Variants in GRID1 observed in about 807,000 individuals in gnomAD.
GRID1 encodes glutamate ionotropic receptor delta type subunit 1.
Under a neutral mutation model 98.0 loss-of-function variants are expected in GRID1, and 28 were observed. The observed-to-expected ratio is 0.29, with a 90% confidence interval of 0.21 to 0.39. The LOEUF is 0.39. Ranked by LOEUF, GRID1 falls within the 10% of genes least tolerant of loss-of-function variation. GRID1 has a pLI of 1.00. For synonymous variants in GRID1, 553 were observed against 538.5 expected (o/e 1.03, Z -0.37); for missense variants, 1,111 against 1,340.5 (o/e 0.83, Z 2.67).
At chr10:86,151,317 G>A (rs948774760) in intron 3 of GRID1, among the ~76,000 whole-genome samples, 1 of 152,140 alleles carries the variant, frequency 6.6e-6, no homozygotes, top group African/African-American at 2.4e-5. Flanking sequence ...GGAATTACCA[G>A]AGTATGCCCA....
chr10:86,271,390 A>G (rs576188166), intron 2 of GRID1, among the ~76,000 whole-genome samples: 3 of 152,348 alleles, frequency 2.0e-5, no homozygotes, highest in Admixed American at 6.5e-5. Flanking sequence ...CTGGAATCCA[A>G]TCAAAACTGA....
intron 2 of GRID1, among the ~76,000 whole-genome samples, chr10:86,300,310 A>G (rs1162945453): frequency 6.6e-6 from 1 of 151,544 alleles, no homozygotes; most frequent in Non-Finnish European, 1.5e-5. Flanking sequence ...GTAGCCCTAG[A>G]AAACTAAAAC....
intron 8 of GRID1, among the ~76,000 whole-genome samples, chr10:85,768,686 T>C (rs529245505): frequency 1.3e-5 from 2 of 152,240 alleles, no homozygotes; most frequent in Non-Finnish European, 2.9e-5. Context: ...AATTATTCTG[T>C]GTTACCATTT....
chr10:86,219,581 C>T (rs1230618154), intron 2 of GRID1, among the ~76,000 whole-genome samples: 2 of 152,220 alleles, frequency 1.3e-5, no homozygotes, highest in Non-Finnish European at 2.9e-5. Flanking sequence ...TACTCCCCTA[C>T]AGCCCTGGTC....
chr10:85,625,599 C>A (rs1351497553), intron 13 of GRID1, among the ~76,000 whole-genome samples: 3 of 152,158 alleles, frequency 2.0e-5, no homozygotes, highest in Admixed American at 6.5e-5. Flanking sequence ...GCTAGAGAGA[C>A]CACCCAGCCT....
At chr10:85,751,426 A>G (rs1842044693) in intron 8 of GRID1, among the ~76,000 whole-genome samples, 1 of 152,140 alleles carries the variant, frequency 6.6e-6, no homozygotes, top group Admixed American at 6.5e-5. Flanking sequence ...ATAAGAAAAG[A>G]CTGCTGCTGA....
At chr10:86,327,271 C>T (rs922222979) in intron 2 of GRID1, among the ~76,000 whole-genome samples, 2 of 152,160 alleles carry the variant, frequency 1.3e-5, no homozygotes, top group East Asian at 3.8e-4. Flanking sequence ...CCTAAAATCC[C>T]ACTGCTTAGA....
rs540387231 is a variant in GRID1 at position 85,976,181 on chromosome 10, TG to T, written c.727-59943del. ...CATTTATTTTCTCTAATTTGATTATTGTTTTTTTTGTTCTGTTTTCAAATAA... is the reference window on the plus strand; with the variant it reads ...CATTTATTTTCTCTAATTTGATTATTTTTTTTTTGTTCTGTTTTCAAATAA... On this transcript the variant is annotated intron_variant, in intron 4 of 15. Coordinates refer to ENST00000327946, the MANE Select transcript of GRID1 (RefSeq NM_017551.3). Among the ~76,000 whole-genome samples, 59 of 152,360 alleles carry T rather than the reference TG, an allele frequency of 3.9e-4. No homozygotes were observed. The East Asian group carries it at 9.8e-3, about 25-fold the overall frequency.
chr10:85,912,464 T>C (rs186664388), intron 5 of GRID1, among the ~76,000 whole-genome samples: 1 of 152,044 alleles, frequency 6.6e-6, no homozygotes, highest in African/African-American at 2.4e-5. Flanking sequence ...GAAAAGAGGG[T>C]AGATGTAAAG....
Position 86,048,833 on chromosome 10 carries a change from G to A in GRID1, c.726+89986C>T, listed in dbSNP as rs116670389. 3.5e-3 allele frequency among the ~76,000 whole-genome samples: 531 copies of A among 152,324 alleles called. 8 individuals are homozygous for A. The highest frequency in any genetic ancestry group is 0.012 in the African/African-American group (506 of 41,564). On this transcript the variant is annotated intron_variant, in intron 4 of 15. Coordinates refer to ENST00000327946, the MANE Select transcript of GRID1 (RefSeq NM_017551.3). ...GGGACACTGGAGGACATGCTGGGAG[G>A]TTTGCAAGCTCAAAGGCCCTACAGG...
Position 86,195,527 on chromosome 10 carries a change from T to C in GRID1, c.520+10837A>G, listed in dbSNP as rs1845859907. 1.3e-5 allele frequency among the ~76,000 whole-genome samples: 2 copies of C among 152,046 alleles called. No homozygotes were observed. Among genetic ancestry groups the C allele is most frequent in the East Asian group, 1.9e-4 (1 of 5,186 alleles). ...TGGATGTGTGAAGGAAATAAACAAA[T>C]AAGCAAACAGGCAGACAATGCAACC... On this transcript the variant is annotated intron_variant, in intron 3 of 15. Coordinates refer to ENST00000327946, the MANE Select transcript of GRID1 (RefSeq NM_017551.3). This position sits in a 1 kb window ranked among gnomAD's most constrained non-coding sequence, Gnocchi z 4.4.
intron 2 of GRID1, among the ~76,000 whole-genome samples, chr10:86,357,127 C>T (rs1027463016): frequency 1.3e-5 from 2 of 152,242 alleles, no homozygotes; most frequent in African/African-American, 4.8e-5. Flanking sequence ...TCATCCCCTC[C>T]AGTCCACCCT....
At chr10:85,978,303 T>C (rs1415881867) in intron 4 of GRID1, among the ~76,000 whole-genome samples, 3 of 152,202 alleles carry the variant, frequency 2.0e-5, no homozygotes, top group Admixed American at 6.5e-5. Flanking sequence ...AGCCAGATGA[T>C]ATGTTGCCCA....
chr10:86,086,782 TGTGA>T (rs2131934892), intron 4 of GRID1, among the ~76,000 whole-genome samples: 1 of 152,280 alleles, frequency 6.6e-6, no homozygotes, highest in African/African-American at 2.4e-5. Context: ...TTGGTGTTTG[TGTGA>T]GTGTGTGTCA....
intron 8 of GRID1, among the ~76,000 whole-genome samples, chr10:85,828,801 T>C (rs1196606318): frequency 6.6e-6 from 1 of 152,014 alleles, no homozygotes; most frequent in Non-Finnish European, 1.5e-5. Flanking sequence ...AGTTACAAAA[T>C]TGAATCAGTA....
chr10:85,926,113 T>C (rs1841771123), intron 4 of GRID1, among the ~76,000 whole-genome samples: 1 of 152,194 alleles, frequency 6.6e-6, no homozygotes, highest in African/African-American at 2.4e-5. Context: ...CTCATGGTGC[T>C]AGGGAGGAAC....
intron 10 of GRID1, 78 bp downstream of exon 10, chr10:85,727,777 T>C: frequency 1.9e-6 from 2 of 1,069,974 alleles, no homozygotes; most frequent in South Asian, 1.3e-5. Context: ...GTTTCCACTG[T>C]GCAATTGGTC....
intron 8 of GRID1, among the ~76,000 whole-genome samples, chr10:85,790,466 C>A (rs1842468151): frequency 6.6e-6 from 1 of 152,204 alleles, no homozygotes; most frequent in Admixed American, 6.5e-5. Context: ...GCAGGACAGG[C>A]AGATGATGAA....
chr10:86,116,531 G>A (rs1844583101), intron 4 of GRID1, among the ~76,000 whole-genome samples: 1 of 152,162 alleles, frequency 6.6e-6, no homozygotes, highest in East Asian at 1.9e-4. Context: ...GTCAGAGGCT[G>A]CTTGTGGGAG....
Sources: gnomAD v4.1 joint callset for allele counts (sites outside exome capture counted in the v4.1 genomes callset) on GRCh38, gnomAD v4.1.1 for gene constraint, Gnocchi (gnomAD v3.1) non-coding constraint, MANE v1.5 for transcripts, NCBI Gene and HGNC (gene_info 2026-07-23, HGNC 2026-07-21) for gene names.